SAG: variants seen among roughly 807,000 people sequenced by gnomAD.
SAG encodes the protein S-antigen visual arrestin, also known as S-arrestin.
In SAG, 45 loss-of-function variants were observed where a neutral mutation model predicts 55.0. The observed-to-expected ratio is 0.82, with a 90% CI of 0.64 to 1.05. The LOEUF is 1.05. Among genes scored for constraint, SAG ranks in the 50% least tolerant of loss-of-function variants. SAG has a pLI of 0.00. For missense variants in SAG, 455 were observed against 512.1 expected, an observed-to-expected ratio of 0.89 and a Z score of 1.08; for synonymous variants, 189 against 197.4, an observed-to-expected ratio of 0.96 and a Z score of 0.36.
chr2:233,309,160 A>C lies in SAG; in HGVS notation c.-28-2A>C. 1.9e-6 allele frequency: 3 copies of C among 1,597,786 alleles called. No homozygotes were observed. The highest frequency in any genetic ancestry group is 2.2e-5 in the East Asian group (1 of 44,772). On this transcript the variant is annotated splice_acceptor_variant, in intron 1 of 15. Coordinates refer to ENST00000409110, the MANE Select transcript of SAG (RefSeq NM_000541.5). LOFTEE classifies it low-confidence loss of function (5UTR_SPLICE). ...CCTCTAACACCTGACCAACACCCCA[A>C]GGTGGTAGAAGTTGCCAGGGACAGA...
At chr2:233,323,036 TG>T in intron 6 of SAG, 31 bp downstream of exon 6, 1 of 1,400,912 alleles carries the variant, frequency 7.1e-7, no homozygotes, top group Admixed American at 2.0e-5. Flanking sequence ...CATGGTTTTA[TG>T]GATTTGTTCA....
At chr2:233,320,854 C>CT in intron 5 of SAG, 31 bp downstream of exon 5, 1 of 1,541,334 alleles carries the variant, frequency 6.5e-7, no homozygotes, top group South Asian at 1.2e-5. Context: ...GCCCTGCTTC[C>CT]TTCACCCGCA....
chr2:233,328,496 G>C lies in SAG; in HGVS notation c.531G>C (p.Leu177=). 6.2e-7 allele frequency: 1 copy of C among 1,613,764 alleles called. No homozygotes were observed. The highest frequency in any genetic ancestry group is 8.5e-7 in the Non-Finnish European group (1 of 1,179,720). ...KIPKKSSVRL[L]IRKVQHAPLE... is the part of the protein sequence containing the mutation. ...CCCACAGGAGCTCCGTGCGATTACT[G>C]ATCCGCAAAGTACAGCATGCCCCAC... Residue 177 remains leucine, a synonymous_variant, in exon 8 of 16, where the codon CTG becomes CTC. Transcript: ENST00000409110.
intron 13 of SAG, 148 bp from the exon 14 acceptor site, chr2:233,342,123 C>CAA (rs34221850): frequency 0.036 from 16,755 of 461,362 alleles, 9 homozygotes; most frequent in Middle Eastern, 0.052. Context: ...GACTCCATCT[C>CAA]AAAAAAAAAA....
At chr2:233,314,720 C>T (rs751701241) in intron 2 of SAG, among the ~76,000 whole-genome samples, 1 of 152,116 alleles carries the variant, frequency 6.6e-6, no homozygotes, top group Non-Finnish European at 1.5e-5. Flanking sequence ...AACCAGGGTT[C>T]TAGTGGTATT....
At chr2:233,332,894 C>G (rs1263093295) in intron 10 of SAG, 2 of 152,190 alleles carry the variant, frequency 1.3e-5, no homozygotes, top group African/African-American at 4.8e-5. Flanking sequence ...AACTCCTGAC[C>G]TCAGGTGATC....
chr2:233,328,759 T>C (rs1259405838), intron 8 of SAG, 146 bp downstream of exon 8: 1 of 841,372 alleles, frequency 1.2e-6, no homozygotes, highest in Admixed American at 3.0e-5. Flanking sequence ...CATGCGTAAG[T>C]GACTGGCCTG....
rs546153836 is a variant in SAG at position 233,335,184 on chromosome 2, G to A, written c.944+85G>A. The A allele has an allele frequency of 1.8e-4, 273 of 1,504,042 alleles. No individual in the cohort carries two copies. In the African/African-American group the frequency reaches 3.5e-3, roughly 19 times the overall value. 93.2% of individuals were successfully genotyped at this position (1,504,042 alleles called of 1,614,324 possible). ...CCCTTCACATCACCCTGCTGGGCTCGCAGGCACGCACGTGCAGCATGGTGG... is the reference window on the plus strand; with the variant it reads ...CCCTTCACATCACCCTGCTGGGCTCACAGGCACGCACGTGCAGCATGGTGG... On this transcript the variant is annotated intron_variant, in intron 11 of 15. Coordinates refer to ENST00000409110, the MANE Select transcript of SAG (RefSeq NM_000541.5).
intron 2 of SAG, among the ~76,000 whole-genome samples, chr2:233,315,281 CTTTTTTT>C (rs5839476): frequency 2.3e-4 from 16 of 69,382 alleles, no homozygotes; most frequent in East Asian, 1.2e-3. Flanking sequence ...TCCAGAAGTT[CTTTTTTT>C]TTTTTTTTTT....
In SAG at chr2:233,342,123, C is replaced by CA. The variant is rs34221850; in HGVS notation, c.1047-131dup. Reference sequence around the variant, plus strand: ...TGGGCGACAGAGCGAGACTCCATCTCAAAAAAAAAAAAAAAAAGTTCCCAC... The same window carrying CA: ...TGGGCGACAGAGCGAGACTCCATCTCAAAAAAAAAAAAAAAAAAGTTCCCAC... On this transcript the variant is annotated intron_variant, in intron 13 of 15. Coordinates refer to ENST00000409110, the MANE Select transcript of SAG (RefSeq NM_000541.5). 179,979 of 462,444 alleles carry CA rather than the reference C, an allele frequency of 0.39. 16,988 individuals carry two copies. The highest frequency in any genetic ancestry group is 0.44 in the African/African-American group (18,243 of 41,124). 28.6% of individuals were successfully genotyped at this position (462,444 alleles called of 1,614,324 possible).
Position 233,346,788 on chromosome 2 carries a change from G to C in SAG, c.1113-19G>C. On this transcript the variant is annotated intron_variant, in intron 15 of 15. Coordinates refer to ENST00000409110, the MANE Select transcript of SAG (RefSeq NM_000541.5). ...TCAAAGGGCGTGCAATGATCAAAAT[G>C]TTGTTTGTTTTATTTTAGTTATCAG... The C allele has an allele frequency of 6.6e-7, 1 of 1,510,880 alleles. No homozygotes were observed. The highest frequency in any genetic ancestry group is 9.2e-7 in the Non-Finnish European group (1 of 1,091,590). 93.6% of individuals were successfully genotyped at this position (1,510,880 alleles called of 1,614,324 possible). A position where few individuals can be genotyped will look rare whatever the true frequency, so the allele number is the denominator to read the frequency against.
chr2:233,329,429 C>A, intron 8 of SAG, 64 bp from the exon 9 acceptor site: 2 of 948,840 alleles, frequency 2.1e-6, no homozygotes, highest in Non-Finnish European at 3.4e-6. Context: ...ATCTAGAAAG[C>A]AGTAAGATTA....
chr2:233,345,186 AGCAGTTAGTCTGGGG>A (rs1457046666), intron 14 of SAG: 1 of 152,246 alleles, frequency 6.6e-6, no homozygotes, highest in African/African-American at 2.4e-5. Context: ...TCAAATTAAT[AGCAGTTAGTCTGGGG>A]ATACAACACA....
intron 12 of SAG, among the ~76,000 whole-genome samples, chr2:233,339,810 C>T (rs1299336952): frequency 6.6e-6 from 1 of 151,614 alleles, no homozygotes; most frequent in Non-Finnish European, 1.5e-5. Context: ...TTACAGGTGC[C>T]CACCACCATG....
At chr2:233,310,283 A>C (rs1159544902) in intron 2 of SAG, among the ~76,000 whole-genome samples, 1 of 152,218 alleles carries the variant, frequency 6.6e-6, no homozygotes, top group African/African-American at 2.4e-5. Flanking sequence ...AAAAGTAAGA[A>C]GAAACAGGTG....
intron 14 of SAG, chr2:233,344,545 A>G (rs931990655): frequency 2.6e-5 from 4 of 152,212 alleles, no homozygotes; most frequent in African/African-American, 9.7e-5. Context: ...CAGTGAACAT[A>G]TCACAATGTC....
At chr2:233,326,534 G>A (rs1700561066) in intron 6 of SAG, among the ~76,000 whole-genome samples, 1 of 150,360 alleles carries the variant, frequency 6.7e-6, no homozygotes, top group African/African-American at 2.5e-5. Flanking sequence ...GTGGTGAGCC[G>A]AGATCATGCC....
chr2:233,340,369 T>C lies in SAG; in HGVS notation c.1023-86T>C, dbSNP rs941969904. The C allele has an allele frequency of 6.7e-6, 8 of 1,192,976 alleles. No individual in the cohort carries two copies. In the African/African-American group the frequency reaches 1.2e-4, roughly 18 times the overall value. 73.9% of individuals were successfully genotyped at this position (1,192,976 alleles called of 1,614,324 possible). Reference sequence around the variant, plus strand: ...GTTCGGGTGCAAGGGCCATGAGAGCTGGGCTGTGTCCTGCCTCTGAATCAT... The same window carrying C: ...GTTCGGGTGCAAGGGCCATGAGAGCCGGGCTGTGTCCTGCCTCTGAATCAT... On this transcript the variant is annotated intron_variant, in intron 12 of 15. Coordinates refer to ENST00000409110, the MANE Select transcript of SAG (RefSeq NM_000541.5). The surrounding 1 kb of genome is among the most constrained non-coding windows in gnomAD (Gnocchi z 4.2).
intron 5 of SAG, 108 bp from the exon 6 acceptor site, chr2:233,322,837 CT>C (rs1172630932): frequency 1.3e-6 from 1 of 751,930 alleles, no homozygotes; most frequent in Admixed American, 2.9e-5. Context: ...TGTGATTTTT[CT>C]TTTTTCTTGC....
Sources: gnomAD v4.1 joint callset for allele counts (sites outside exome capture counted in the v4.1 genomes callset) on GRCh38, gnomAD v4.1.1 for gene constraint, Gnocchi (gnomAD v3.1) non-coding constraint, MANE v1.5 for transcripts, NCBI Gene and HGNC (gene_info 2026-07-23, HGNC 2026-07-21) for gene names.